SLC25A21: variants seen among roughly 807,000 people sequenced by gnomAD.
SLC25A21 encodes the protein mitochondrial 2-oxodicarboxylate carrier.
In SLC25A21, 47 loss-of-function variants were observed where a neutral mutation model predicts 43.8. That is an observed-to-expected ratio of 1.07 (90% confidence interval 0.85 to 1.37). The LOEUF (loss-of-function observed/expected upper bound fraction) is 1.37, where lower values mean the gene tolerates loss of function less well. Among genes scored for constraint, SLC25A21 ranks in the 40% most tolerant of loss-of-function variants. SLC25A21 has a pLI of 0.00. For synonymous variants in SLC25A21, 131 were observed against 121.3 expected (o/e 1.08, Z -0.52); for missense variants, 352 against 350.2 (o/e 1.00, Z -0.04).
chr14:37,014,714 T>A (rs1449304790), intron 1 of SLC25A21, among the ~76,000 whole-genome samples: 5 of 152,130 alleles, frequency 3.3e-5, no homozygotes, highest in Admixed American at 3.3e-4. Context: ...AATCACTATC[T>A]ATGGGAGCTA....
intron 1 of SLC25A21, chr14:37,098,631 A>G (rs1429652677): frequency 6.6e-6 from 1 of 152,158 alleles, no homozygotes; most frequent in Non-Finnish European, 1.5e-5. Flanking sequence ...GTTCACATGA[A>G]GAAAAGATGA....
At chr14:36,992,140 T>C (rs1283417600) in intron 1 of SLC25A21, among the ~76,000 whole-genome samples, 1 of 152,218 alleles carries the variant, frequency 6.6e-6, no homozygotes, top group Admixed American at 6.5e-5. Context: ...GCATCAGTAA[T>C]TGGGTCATCC....
chr14:36,800,172 T>C (rs1042505161), intron 3 of SLC25A21, among the ~76,000 whole-genome samples: 1 of 152,182 alleles, frequency 6.6e-6, no homozygotes, highest in African/African-American at 2.4e-5. Context: ...AAAGTCATTC[T>C]CTGTTAAACA....
At chr14:37,061,629 A>T (rs1267771785) in intron 1 of SLC25A21, among the ~76,000 whole-genome samples, 2 of 151,990 alleles carry the variant, frequency 1.3e-5, no homozygotes, top group Non-Finnish European at 2.9e-5. Flanking sequence ...AAGTACAAAG[A>T]GATTAGAAGG....
chr14:36,848,280 C>G (rs964526623), intron 2 of SLC25A21, among the ~76,000 whole-genome samples: 5 of 152,190 alleles, frequency 3.3e-5, no homozygotes, highest in Admixed American at 2.6e-4. Flanking sequence ...TACTTAGGGA[C>G]TTTCCAATGG....
chr14:37,065,350 A>C (rs1962037873), intron 1 of SLC25A21, among the ~76,000 whole-genome samples: 1 of 152,252 alleles, frequency 6.6e-6, no homozygotes, highest in Non-Finnish European at 1.5e-5. Context: ...CTGACAAGAA[A>C]GTATTTTAAC....
chr14:36,719,592 C>G (rs1294447730), intron 6 of SLC25A21, among the ~76,000 whole-genome samples: 1 of 152,250 alleles, frequency 6.6e-6, no homozygotes, highest in South Asian at 2.1e-4. Context: ...GTTTAAGACA[C>G]TGGCCAAGAC....
rs956301458 is a variant in SLC25A21 at position 37,027,180 on chromosome 14, T to G, written c.70+145101A>C. Among the ~76,000 whole-genome samples, 3 of 152,200 alleles carry G rather than the reference T, an allele frequency of 2.0e-5. No homozygotes were observed. In the South Asian group the frequency reaches 6.2e-4, roughly 31 times the overall value. On this transcript the variant is annotated intron_variant, in intron 1 of 9. Transcript: ENST00000331299. Reference sequence around the variant, plus strand: ...TTCTACTAATTCTAGGGGAACTGGATTCACAATTTAAATGAGAACATACTA... The same window carrying G: ...TTCTACTAATTCTAGGGGAACTGGAGTCACAATTTAAATGAGAACATACTA...
In SLC25A21 at chr14:37,109,624, C is replaced by T. The variant is rs776899142; in HGVS notation, c.70+62657G>A. ...GAAAGTATTAATGAATGATGTTGTG[C>T]AGTCAGGAGACCTATGTGCTAGCTT... On this transcript the variant is annotated intron_variant, in intron 1 of 9. Transcript: ENST00000331299. Among the ~76,000 whole-genome samples the T allele has an allele frequency of 4.1e-4, 62 of 152,242 alleles. 1 individual carries two copies. Among genetic ancestry groups the T allele is most frequent in the Non-Finnish European group, 7.1e-4 (48 of 68,012 alleles).
intron 1 of SLC25A21, among the ~76,000 whole-genome samples, chr14:36,881,832 G>T (rs1890736676): frequency 6.6e-6 from 1 of 152,150 alleles, no homozygotes; most frequent in Non-Finnish European, 1.5e-5. Flanking sequence ...TAGGAGGAAG[G>T]GATGTAGAAG....
chr14:37,082,379 T>A (rs114094371), intron 1 of SLC25A21, among the ~76,000 whole-genome samples: 1,708 of 152,150 alleles, frequency 0.011, 26 homozygotes, highest in African/African-American at 0.04. Context: ...ACATATATAC[T>A]CTGTATCTAA....
chr14:37,141,902 CAGAT>C (rs1013446276), intron 1 of SLC25A21, among the ~76,000 whole-genome samples: 4 of 152,308 alleles, frequency 2.6e-5, no homozygotes, highest in Non-Finnish European at 4.4e-5. Flanking sequence ...ACATTGGACT[CAGAT>C]AGAGCGACGT....
intron 3 of SLC25A21, among the ~76,000 whole-genome samples, chr14:36,769,131 G>C (rs1886525057): frequency 6.6e-6 from 1 of 152,176 alleles, no homozygotes; most frequent in African/African-American, 2.4e-5. Context: ...GGACATAGGT[G>C]ATGTGGCATT....
At chr14:36,746,033 G>A (rs1255059573) in intron 3 of SLC25A21, among the ~76,000 whole-genome samples, 11 of 152,066 alleles carry the variant, frequency 7.2e-5, no homozygotes, top group Non-Finnish European at 1.5e-4. Flanking sequence ...AACCTCTATG[G>A]AAAACAGGAT....
chr14:36,872,361 T>G (rs1890398327), intron 2 of SLC25A21, among the ~76,000 whole-genome samples: 1 of 152,160 alleles, frequency 6.6e-6, no homozygotes, highest in Admixed American at 6.6e-5. Context: ...TTAAAGTGGA[T>G]TTTTAAAACT....
intron 2 of SLC25A21, among the ~76,000 whole-genome samples, chr14:36,855,036 A>G (rs1275583874): frequency 1.3e-5 from 2 of 152,146 alleles, no homozygotes; most frequent in African/African-American, 4.8e-5. Context: ...TTTTTAAAAA[A>G]TAATAAGCAT....
chr14:37,123,521 G>C (rs560049791), intron 1 of SLC25A21, among the ~76,000 whole-genome samples: 1 of 152,134 alleles, frequency 6.6e-6, no homozygotes, highest in Non-Finnish European at 1.5e-5. Flanking sequence ...ATACATTGTT[G>C]TAAACAGTAA....
At chr14:36,791,799 T>A (rs1188061199) in intron 3 of SLC25A21, among the ~76,000 whole-genome samples, 1 of 152,184 alleles carries the variant, frequency 6.6e-6, no homozygotes, top group Admixed American at 6.6e-5. Flanking sequence ...GAGAAAATGA[T>A]GTGATATTTG....
intron 1 of SLC25A21, among the ~76,000 whole-genome samples, chr14:37,044,044 A>C (rs1295016434): frequency 1.3e-5 from 2 of 149,552 alleles, no homozygotes; most frequent in Non-Finnish European, 3.0e-5. Context: ...TCGGCCTCTC[A>C]AAGTGCTGGG....
Sources: gnomAD v4.1 joint callset for allele counts (sites outside exome capture counted in the v4.1 genomes callset) on GRCh38, gnomAD v4.1.1 for gene constraint, MANE v1.5 for transcripts, NCBI Gene and HGNC (gene_info 2026-07-23, HGNC 2026-07-21) for gene names.